TNFRSF13B: variants seen among roughly 807,000 people sequenced by gnomAD.
The protein encoded by TNFRSF13B is TNF receptor superfamily member 13B, also known as tumor necrosis factor receptor superfamily member 13B.
A neutral mutation model predicts 24.0 loss-of-function variants in TNFRSF13B; 34 were observed. That is an observed-to-expected ratio of 1.41 (90% confidence interval 1.08 to 1.88). The LOEUF (loss-of-function observed/expected upper bound fraction) is 1.88, where lower values mean the gene tolerates loss of function less well. Among genes scored for constraint, TNFRSF13B ranks in the 40% most tolerant of loss-of-function variants. The pLI is 0.00. For missense variants in TNFRSF13B, 415 were observed against 380.8 expected (o/e 1.09, Z -0.75); for synonymous variants, 173 against 150.3 (o/e 1.15, Z -1.10).
intron 1 of TNFRSF13B, among the ~76,000 whole-genome samples, chr17:16,969,412 G>A (rs373447660): frequency 1.3e-5 from 2 of 152,130 alleles, no homozygotes; most frequent in Admixed American, 6.5e-5. Context: ...CAACATGGAC[G>A]GCCCTTGAAA....
At position 16,940,389 on chromosome 17, in the gene TNFRSF13B, C is replaced by A. The variant is rs150101848; in HGVS notation, c.568G>T (p.Gly190Trp). 7 of 1,614,064 alleles carry A rather than the reference C, an allele frequency of 4.3e-6. No individual in the cohort carries two copies. Among genetic ancestry groups the A allele is most frequent in the Non-Finnish European group, 5.9e-6 (7 of 1,180,030 alleles). Residue 190 changes from glycine (G) to tryptophan (W), a missense_variant, in exon 4 of 5, where the codon GGG becomes TGG. Gly to Trp is a radical substitution (Grantham distance 184, BLOSUM62 -2). Coordinates refer to ENST00000261652, the MANE Select transcript of TNFRSF13B (RefSeq NM_012452.3). ...VAVACFLKKRGDPCSCQPRSR... is the reference protein window; with the variant it reads ...VAVACFLKKRWDPCSCQPRSR... ...CGGGGCTGGCAGGAGCAGGGATCCCCCCTCTTCTTGAGGAAGCAGGCCACC... is the reference window on the plus strand; with the variant it reads ...CGGGGCTGGCAGGAGCAGGGATCCCACCTCTTCTTGAGGAAGCAGGCCACC...
rs143304223 is a variant in TNFRSF13B at position 16,945,275 on chromosome 17, G to T, written c.445+3463C>A. On this transcript the variant is annotated intron_variant, in intron 3 of 4. Coordinates refer to ENST00000261652, the MANE Select transcript of TNFRSF13B (RefSeq NM_012452.3). Reference sequence around the variant, plus strand: ...CCTGGAGCCAAGATGAGGCTCCAAGGTTCTGCCCAGTGCCCTCTGGCAAGG... The same window carrying T: ...CCTGGAGCCAAGATGAGGCTCCAAGTTTCTGCCCAGTGCCCTCTGGCAAGG... Among the ~76,000 whole-genome samples the T allele has an allele frequency of 9.7e-4, 147 of 152,294 alleles. 1 individual carries two copies. Among genetic ancestry groups the T allele is most frequent in the African/African-American group, 3.3e-3 (138 of 41,534 alleles).
chr17:16,968,767 A>G (rs186958802), intron 1 of TNFRSF13B, among the ~76,000 whole-genome samples: 1 of 152,358 alleles, frequency 6.6e-6, no homozygotes, highest in Non-Finnish European at 1.5e-5. Flanking sequence ...AAGACAATTC[A>G]CTAACTTGGA....
chr17:16,963,191 G>T (rs2143680703), intron 1 of TNFRSF13B, among the ~76,000 whole-genome samples: 1 of 152,330 alleles, frequency 6.6e-6, no homozygotes, highest in East Asian at 1.9e-4. Flanking sequence ...CATGGCAGGT[G>T]CCTAGTATGG....
At position 16,939,414 on chromosome 17, in the gene TNFRSF13B, TCTCCTCTGTTTCTCTCCCTCTCTGC is replaced by T. The variant is rs1567649306; in HGVS notation, c.*108_*132del. On this transcript the variant is annotated 3_prime_UTR_variant, in exon 5 of 5. Transcript: ENST00000261652. ...CCCTCTGTCTCTCTCTCCCTCTCTG[TCTCCTCTGTTTCTCTCCCTCTCTGC>T]CTCCTCTGTCTCTCTCTCCTCATAT... 9.2e-7 allele frequency: 1 copy of T among 1,081,152 alleles called. No homozygotes were observed. The highest frequency in any genetic ancestry group is 1.7e-5 in the South Asian group (1 of 59,026). The allele number at this position is 1,081,152 out of a possible 1,614,324, so 67.0% of individuals were successfully genotyped here. A position where few individuals can be genotyped will look rare whatever the true frequency, so the allele number is the denominator to read the frequency against.
chr17:16,956,703 G>C (rs2087627154), intron 1 of TNFRSF13B, among the ~76,000 whole-genome samples: 1 of 152,170 alleles, frequency 6.6e-6, no homozygotes, highest in Non-Finnish European at 1.5e-5. Flanking sequence ...GAGCCATCAA[G>C]GCATTAACAG....
intron 1 of TNFRSF13B, among the ~76,000 whole-genome samples, chr17:16,959,268 C>T (rs2087645556): frequency 6.6e-6 from 1 of 151,848 alleles, no homozygotes; most frequent in Non-Finnish European, 1.5e-5. Context: ...TATAAAATAT[C>T]TTGAGACAAA....
rs1263432178 is a variant in TNFRSF13B at position 16,948,991 on chromosome 17, A to G, written c.200-8T>C. On this transcript the variant is annotated splice_region_variant and splice_polypyrimidine_tract_variant and intron_variant, in intron 2 of 4. Coordinates refer to ENST00000261652, the MANE Select transcript of TNFRSF13B (RefSeq NM_012452.3). ...TGCGGCAGCTGAGTGACCCTGGGAG[A>G]GAGAAATTCATGATACTGCTGGGTG... 1 of 1,613,992 alleles carries G rather than the reference A, an allele frequency of 6.2e-7. No individual in the cohort carries two copies. Among genetic ancestry groups the G allele is most frequent in the Non-Finnish European group, 8.5e-7 (1 of 1,180,002 alleles).
At chr17:16,940,671 G>C (rs2087503958) in intron 3 of TNFRSF13B, 160 bp from the exon 4 acceptor site, 4 of 1,482,734 alleles carry the variant, frequency 2.7e-6, no homozygotes, top group Non-Finnish European at 2.7e-6. Context: ...ATGCTCTCTG[G>C]ATCCTGGAGG....
intron 1 of TNFRSF13B, among the ~76,000 whole-genome samples, chr17:16,958,408 C>T (rs2087638909): frequency 6.8e-6 from 1 of 147,242 alleles, no homozygotes; most frequent in South Asian, 2.2e-4. Context: ...CTAAACTCTG[C>T]TAGTAAAAAA....
chr17:16,949,898 C>G (rs955192692), intron 2 of TNFRSF13B, among the ~76,000 whole-genome samples: 1 of 152,012 alleles, frequency 6.6e-6, no homozygotes, highest in Non-Finnish European at 1.5e-5. Context: ...GTTGGCCAGG[C>G]TGGTCGTGAA....
At chr17:16,944,769 A>T (rs1030590338) in intron 3 of TNFRSF13B, among the ~76,000 whole-genome samples, 6 of 152,140 alleles carry the variant, frequency 3.9e-5, no homozygotes, top group African/African-American at 1.4e-4. Context: ...TCTGAATGGG[A>T]TGCAAGAGAA....
At chr17:16,961,489 T>G (rs1376754175) in intron 1 of TNFRSF13B, among the ~76,000 whole-genome samples, 2 of 152,168 alleles carry the variant, frequency 1.3e-5, no homozygotes, top group South Asian at 2.1e-4. Context: ...AAGACAGTCA[T>G]AGAGAGACAA....
intron 2 of TNFRSF13B, among the ~76,000 whole-genome samples, chr17:16,951,284 A>G (rs959979269): frequency 2.0e-5 from 3 of 152,232 alleles, no homozygotes; most frequent in African/African-American, 7.2e-5. Flanking sequence ...TGCTAGGCTC[A>G]AGTCAGACAT....
At chr17:16,946,525 C>T (rs916883981) in intron 3 of TNFRSF13B, among the ~76,000 whole-genome samples, 4 of 151,984 alleles carry the variant, frequency 2.6e-5, no homozygotes, top group Middle Eastern at 3.2e-3. Context: ...CCATCTCCAG[C>T]CATAAGTTTT....
chr17:16,947,418 C>A (rs2087556934), intron 3 of TNFRSF13B, among the ~76,000 whole-genome samples: 1 of 152,218 alleles, frequency 6.6e-6, no homozygotes, highest in Non-Finnish European at 1.5e-5. Flanking sequence ...AGGCAACCTA[C>A]AGAATGGGAG....
chr17:16,972,093 A>G lies in TNFRSF13B; in HGVS notation c.-18T>C. ...CCACTCATTACTCAGGATGCTTATT[A>G]CTAGTCTTAGATTTGATTAGTGCTT... is the stretch of plus-strand genomic sequence containing the variant. On this transcript the variant is annotated 5_prime_UTR_variant, in exon 1 of 5. Transcript: ENST00000261652. 1.2e-6 allele frequency: 2 copies of G among 1,613,460 alleles called. No homozygotes were observed. The highest frequency in any genetic ancestry group is 1.7e-6 in the Non-Finnish European group (2 of 1,179,958).
intron 3 of TNFRSF13B, among the ~76,000 whole-genome samples, chr17:16,948,454 A>G (rs763889407): frequency 6.6e-6 from 1 of 152,228 alleles, no homozygotes; most frequent in Non-Finnish European, 1.5e-5. Flanking sequence ...TCTGCTGCTT[A>G]CTTGTGCCTG....
Position 16,948,777 on chromosome 17 carries a change from A to G in TNFRSF13B, c.406T>C (p.Tyr136His). 1 of 1,614,140 alleles carries G rather than the reference A, an allele frequency of 6.2e-7. No individual in the cohort carries two copies. ...VENNSDNSGR[Y>H]QGLEHRGSEA... Reference sequence around the variant, plus strand: ...GAGCCTCTGTGCTCCAATCCTTGGTACCTTCCCGAGTTGTCTGAATTGTTT... The same window carrying G: ...GAGCCTCTGTGCTCCAATCCTTGGTGCCTTCCCGAGTTGTCTGAATTGTTT... Residue 136 changes from tyrosine to histidine, a missense_variant, in exon 3 of 5, where the codon TAC becomes CAC. Physicochemically the swap from Tyr to His is moderately conservative, Grantham distance 83. Transcript: ENST00000261652.
Sources: gnomAD v4.1 joint callset for allele counts (sites outside exome capture counted in the v4.1 genomes callset) on GRCh38, gnomAD v4.1.1 for gene constraint, MANE v1.5 for transcripts, NCBI Gene and HGNC (gene_info 2026-07-23, HGNC 2026-07-21) for gene names.